The following KIRREL3 variants were observed in gnomAD, a reference collection of about 807,000 sequenced individuals.
The protein encoded by KIRREL3 is kirre like nephrin family adhesion molecule 3.
KIRREL3 carries 36 observed loss-of-function variants against 89.7 expected under a neutral mutation model. That is an observed-to-expected ratio of 0.40 (90% CI 0.31 to 0.53). The LOEUF is 0.53. Ranked by LOEUF, KIRREL3 falls within the 20% of genes least tolerant of loss-of-function variation. The pLI is 0.49. For synonymous variants in KIRREL3, 445 were observed against 441.4 expected, an observed-to-expected ratio of 1.01 and a Z score of -0.10; for missense variants, 864 against 1,056.6, an observed-to-expected ratio of 0.82 and a Z score of 2.53.
intron 1 of KIRREL3, among the ~76,000 whole-genome samples, chr11:126,964,610 C>T (rs34954461): frequency 2.0e-5 from 3 of 152,186 alleles, no homozygotes; most frequent in East Asian, 1.9e-4. Context: ...ACCTCACCCC[C>T]TGAGGGCCTG....
intron 1 of KIRREL3, among the ~76,000 whole-genome samples, chr11:126,913,891 G>C (rs1311488618): frequency 6.6e-6 from 1 of 152,214 alleles, no homozygotes; most frequent in African/African-American, 2.4e-5. Flanking sequence ...GTGTGCTTCA[G>C]AGGAAGCTCA....
In KIRREL3 at chr11:126,429,902, C is replaced by T. The variant is rs138594402; in HGVS notation, c.1697-614G>A. ...CTGTAATCCCAGCACTTTGGGAGGC[C>T]GAGGTGGGCAGATCACGAGGTCAGG... On this transcript the variant is annotated intron_variant, in intron 14 of 16. Transcript: ENST00000525144. This position sits in a 1 kb window ranked among gnomAD's most constrained non-coding sequence, Gnocchi z 5.2. Among the ~76,000 whole-genome samples the T allele has an allele frequency of 0.017, 2,658 of 151,962 alleles. 76 individuals carry two copies. Among genetic ancestry groups the T allele is most frequent in the African/African-American group, 0.058 (2,389 of 41,402 alleles).
rs1944552838 is a variant in KIRREL3, at chr11:126,643,574, C to G, written c.56-80662G>C. Among the ~76,000 whole-genome samples the G allele has an allele frequency of 6.6e-6, 1 of 152,158 alleles. No homozygotes were observed. Among genetic ancestry groups the G allele is most frequent in the Non-Finnish European group, 1.5e-5 (1 of 68,034 alleles). Reference sequence around the variant, plus strand: ...ATCATGGCAAATCTTTATCTCTACACTGATGATATAGACTTGATCCTTGGG... The same window carrying G: ...ATCATGGCAAATCTTTATCTCTACAGTGATGATATAGACTTGATCCTTGGG... On this transcript the variant is annotated intron_variant, in intron 1 of 16. Coordinates refer to ENST00000525144, the MANE Select transcript of KIRREL3 (RefSeq NM_032531.4). The surrounding 1 kb of genome is among the most constrained non-coding windows in gnomAD (Gnocchi z 4.5).
rs1282716501 is a variant in KIRREL3 at position 126,576,792 on chromosome 11, C to A, written c.56-13880G>T. Among the ~76,000 whole-genome samples, 2 of 152,178 alleles carry A rather than the reference C, an allele frequency of 1.3e-5. No individual in the cohort carries two copies. Among genetic ancestry groups the A allele is most frequent in the Non-Finnish European group, 2.9e-5 (2 of 68,042 alleles). On this transcript the variant is annotated intron_variant, in intron 1 of 16. Transcript: ENST00000525144. The surrounding 1 kb of genome is among the most constrained non-coding windows in gnomAD (Gnocchi z 5.4). Reference sequence around the variant, plus strand: ...GGGTCCTTTTTAATCAGCTGAGGAGCAAGGGATTCCTGAGCCACAAATGAG... The same window carrying A: ...GGGTCCTTTTTAATCAGCTGAGGAGAAAGGGATTCCTGAGCCACAAATGAG...
chr11:126,852,522 A>G (rs1944377751), intron 1 of KIRREL3, among the ~76,000 whole-genome samples: 1 of 152,198 alleles, frequency 6.6e-6, no homozygotes, highest in African/African-American at 2.4e-5. Flanking sequence ...CCATATATAT[A>G]GTATCTGGAG....
rs1943603340 is a variant in KIRREL3, at chr11:126,622,250, GGGT to G, written c.56-59341_56-59339del. The stretch of plus-strand genomic sequence containing the variant: ...TCTTAGAGAAAGTTGTTGCACCTTT[GGGT>G]GCTGTTTTAATTACTTTTTCAAGGT... On this transcript the variant is annotated intron_variant, in intron 1 of 16. Coordinates refer to ENST00000525144, the MANE Select transcript of KIRREL3 (RefSeq NM_032531.4). The surrounding 1 kb of genome is among the most constrained non-coding windows in gnomAD (Gnocchi z 5.2). Among the ~76,000 whole-genome samples the G allele has an allele frequency of 6.6e-6, 1 of 152,192 alleles. No homozygotes were observed. The highest frequency in any genetic ancestry group is 2.4e-5 in the African/African-American group (1 of 41,460).
Position 126,449,682 on chromosome 11 carries a change from G to T in KIRREL3, c.849-525C>A, listed in dbSNP as rs114766351. 1.6e-3 allele frequency among the ~76,000 whole-genome samples: 243 copies of T among 152,350 alleles called. 1 individual carries two copies. The highest frequency in any genetic ancestry group is 5.5e-3 in the African/African-American group (228 of 41,576). ...CGAGAAGCTGTAGGAGAGGTATGCT[G>T]TAGGGGCTCCATCTCCCGTCCAAAC... is the stretch of plus-strand genomic sequence containing the variant. On this transcript the variant is annotated intron_variant, in intron 7 of 16. Coordinates refer to ENST00000525144, the MANE Select transcript of KIRREL3 (RefSeq NM_032531.4).
rs1446237803 is a variant in KIRREL3, at chr11:126,694,957, G to A, written c.56-132045C>T. Among the ~76,000 whole-genome samples the A allele has an allele frequency of 1.3e-5, 2 of 152,166 alleles. No individual in the cohort carries two copies. Among genetic ancestry groups the A allele is most frequent in the African/African-American group, 4.8e-5 (2 of 41,444 alleles). On this transcript the variant is annotated intron_variant, in intron 1 of 16. Transcript: ENST00000525144. This position sits in a 1 kb window ranked among gnomAD's most constrained non-coding sequence, Gnocchi z 4.4. ...TTGCTTTGATTGGGAGATGAGATGC[G>A]AGTCTCAATGCCTAGAATGCTCTAT...
At position 127,000,379 on chromosome 11, in the gene KIRREL3, C is replaced by T. The variant is rs1194141630; in HGVS notation, c.55+76G>A. On this transcript the variant is annotated intron_variant, in intron 1 of 16. Transcript: ENST00000525144. This position sits in a 1 kb window ranked among gnomAD's most constrained non-coding sequence, Gnocchi z 7.1. ...AGTCCGAGTTCCCGAAGCCTGCCCA[C>T]GTTCCTGCCCACAGCCTCCCGCGCC... The T allele has an allele frequency of 3.1e-6, 4 of 1,290,926 alleles. No homozygotes were observed. Among genetic ancestry groups the T allele is most frequent in the African/African-American group, 3.0e-5 (2 of 66,656 alleles). 80.0% of individuals were successfully genotyped at this position (1,290,926 alleles called of 1,614,324 possible). A position where few individuals can be genotyped will look rare whatever the true frequency, so the allele number is the denominator to read the frequency against.
rs972158016 is a variant in KIRREL3 at position 126,764,382 on chromosome 11, A to C, written c.56-201470T>G. Reference sequence around the variant, plus strand: ...TGGGCTGACACCTGCATCGAATGGAAGCTACACATTTCTGTCCTAGAGATA... The same window carrying C: ...TGGGCTGACACCTGCATCGAATGGACGCTACACATTTCTGTCCTAGAGATA... On this transcript the variant is annotated intron_variant, in intron 1 of 16. Coordinates refer to ENST00000525144, the MANE Select transcript of KIRREL3 (RefSeq NM_032531.4). This position sits in a 1 kb window ranked among gnomAD's most constrained non-coding sequence, Gnocchi z 4.2. Among the ~76,000 whole-genome samples, 1 of 152,164 alleles carries C rather than the reference A, an allele frequency of 6.6e-6. No individual in the cohort carries two copies. The highest frequency in any genetic ancestry group is 2.1e-4 in the South Asian group (1 of 4,830).
Position 126,424,375 on chromosome 11 carries a change from A to ACCCCC in KIRREL3, c.*204_*205insGGGGG. ...AGCCGCAGCCTCTGTCTGTCTCCCC[A>ACCCCC]CCCGCCCACCTCTGGCACACAGCAC... On this transcript the variant is annotated 3_prime_UTR_variant, in exon 17 of 17. Transcript: ENST00000525144. 1 of 376,604 alleles carries ACCCCC rather than the reference A, an allele frequency of 2.7e-6. No individual in the cohort carries two copies. Among genetic ancestry groups the ACCCCC allele is most frequent in the Non-Finnish European group, 5.1e-6 (1 of 195,062 alleles). The allele number at this position is 376,604 out of a possible 1,614,324, so 23.3% of individuals were successfully genotyped here.
Position 126,776,144 on chromosome 11 carries a change from G to A in KIRREL3, c.56-213232C>T, listed in dbSNP as rs960456054. 6.6e-6 allele frequency among the ~76,000 whole-genome samples: 1 copy of A among 152,174 alleles called. No homozygotes were observed. Among genetic ancestry groups the A allele is most frequent in the South Asian group, 2.1e-4 (1 of 4,828 alleles). On this transcript the variant is annotated intron_variant, in intron 1 of 16. Transcript: ENST00000525144. The surrounding 1 kb of genome is among the most constrained non-coding windows in gnomAD (Gnocchi z 4.7). ...TGAGTTTCTGCCAGCTCTGCCGGGA[G>A]CCCTGACCTCTAGAAGCTGGTCCAG...
At chr11:126,765,071 C>T (rs1949780205) in intron 1 of KIRREL3, among the ~76,000 whole-genome samples, 2 of 152,150 alleles carry the variant, frequency 1.3e-5, no homozygotes, top group African/African-American at 4.8e-5. Flanking sequence ...GACAGGAGAC[C>T]ATTTACTGGA....
rs1373875586 is a variant in KIRREL3 at position 126,485,242 on chromosome 11, A to C, written c.434-11776T>G. 3.3e-5 allele frequency among the ~76,000 whole-genome samples: 5 copies of C among 152,178 alleles called. No homozygotes were observed. Among genetic ancestry groups the C allele is most frequent in the African/African-American group, 1.2e-4 (5 of 41,440 alleles). Reference sequence around the variant, plus strand: ...ACAAGGAGCAAGACGCAGGTTTAGGATGATGGCATGTAGCTCAGAGGAAGG... The same window carrying C: ...ACAAGGAGCAAGACGCAGGTTTAGGCTGATGGCATGTAGCTCAGAGGAAGG... On this transcript the variant is annotated intron_variant, in intron 4 of 16. Transcript: ENST00000525144. This position sits in a 1 kb window ranked among gnomAD's most constrained non-coding sequence, Gnocchi z 5.8.
chr11:126,840,190 G>C (rs1943916939), intron 1 of KIRREL3, among the ~76,000 whole-genome samples: 1 of 152,138 alleles, frequency 6.6e-6, no homozygotes, highest in Non-Finnish European at 1.5e-5. Context: ...CTTTCTTTTA[G>C]TGGAAAGAGG....
chr11:126,785,867 C>T (rs934345738), intron 1 of KIRREL3, among the ~76,000 whole-genome samples: 29 of 114,800 alleles, frequency 2.5e-4, no homozygotes, highest in African/African-American at 9.9e-4. Context: ...AGCGAGACTC[C>T]GTCTCAAAAA....
Position 126,542,748 on chromosome 11 carries a change from TAAG to T in KIRREL3, c.134-16064_134-16062del, listed in dbSNP as rs1441856448. ...GGACCTTATGCAAATAAGAGTAAAA[TAAG>T]AAGCTGTGAAATGTTAACAGAGGAC... On this transcript the variant is annotated intron_variant, in intron 2 of 16. Transcript: ENST00000525144. Among the ~76,000 whole-genome samples the T allele has an allele frequency of 1.3e-4, 20 of 152,294 alleles. No homozygotes were observed. The East Asian group carries it at 3.9e-3, about 29-fold the overall frequency.
At position 126,970,916 on chromosome 11, in the gene KIRREL3, G is replaced by A. The variant is rs1220077618; in HGVS notation, c.55+29539C>T. Among the ~76,000 whole-genome samples, 1 of 152,184 alleles carries A rather than the reference G, an allele frequency of 6.6e-6. No individual in the cohort carries two copies. The highest frequency in any genetic ancestry group is 1.5e-5 in the Non-Finnish European group (1 of 68,034). ...AGGAGAACCACAAACAGAAGCACAT[G>A]GCGGTGCTATGGCTTCTCCCCCACC... is the stretch of plus-strand genomic sequence containing the variant. On this transcript the variant is annotated intron_variant, in intron 1 of 16. Coordinates refer to ENST00000525144, the MANE Select transcript of KIRREL3 (RefSeq NM_032531.4). The surrounding 1 kb of genome is among the most constrained non-coding windows in gnomAD (Gnocchi z 4.4).
Position 126,605,757 on chromosome 11 carries a change from T to G in KIRREL3, c.56-42845A>C, listed in dbSNP as rs1294717645. On this transcript the variant is annotated intron_variant, in intron 1 of 16. Transcript: ENST00000525144. The surrounding 1 kb of genome is among the most constrained non-coding windows in gnomAD (Gnocchi z 5.7). The stretch of plus-strand genomic sequence containing the variant: ...AGGGATGCTGGGAGTGGGAATGGGG[T>G]GGGGAAAGCATGGGGCATATGGGTA... Among the ~76,000 whole-genome samples the G allele has an allele frequency of 6.6e-6, 1 of 151,714 alleles. No homozygotes were observed. The highest frequency in any genetic ancestry group is 1.9e-4 in the East Asian group (1 of 5,178).
Sources: allele counts gnomAD v4.1 joint callset (sites outside exome capture counted in the v4.1 genomes callset), GRCh38; gene constraint gnomAD v4.1.1; non-coding constraint Gnocchi (gnomAD v3.1); transcripts MANE v1.5; gene names NCBI Gene and HGNC (gene_info 2026-07-23, HGNC 2026-07-21).